ADGRG5: variants seen among roughly 807,000 people sequenced by gnomAD.
ADGRG5 encodes the protein adhesion G protein-coupled receptor G5, also known as G protein-coupled receptor 114.
In ADGRG5, 37 loss-of-function variants were observed where a neutral mutation model predicts 53.2. The ratio of observed to expected loss-of-function variants is 0.70; its 90% confidence interval spans 0.53 to 0.91. The LOEUF (loss-of-function observed/expected upper bound fraction) is 0.91, where lower values mean the gene tolerates loss of function less well. Ranked by LOEUF, ADGRG5 falls within the 40% of genes least tolerant of loss-of-function variation. ADGRG5 has a pLI of 0.00. For synonymous variants in ADGRG5, 277 were observed against 290.4 expected (o/e 0.95, Z 0.47); for missense variants, 614 against 675.8 (o/e 0.91, Z 1.01).
chr16:57,572,923 CAGTT>C (rs2033401570), intron 10 of ADGRG5, among the ~76,000 whole-genome samples: 1 of 152,184 alleles, frequency 6.6e-6, no homozygotes, highest in Non-Finnish European at 1.5e-5. Flanking sequence ...GGGATTGTGA[CAGTT>C]AGGGGCTCAG....
In ADGRG5 at chr16:57,543,880, T is replaced by C. The variant is rs181519271; in HGVS notation, c.-39+1179T>C. ...AGGAGAGGATCAGGGAAATTGTTGTTTGAATTTCTCTTTCTGGGAAATAGA... is the reference window on the plus strand; with the variant it reads ...AGGAGAGGATCAGGGAAATTGTTGTCTGAATTTCTCTTTCTGGGAAATAGA... On this transcript the variant is annotated intron_variant, in intron 1 of 11. Coordinates refer to ENST00000349457, the MANE Select transcript of ADGRG5 (RefSeq NM_001304376.3). Among the ~76,000 whole-genome samples the C allele has an allele frequency of 9.2e-5, 14 of 152,286 alleles. No homozygotes were observed. In the East Asian group the frequency reaches 2.7e-3, roughly 29 times the overall value.
At position 57,563,236 on chromosome 16, in the gene ADGRG5, C is replaced by G. The variant is rs150723116; in HGVS notation, c.286C>G (p.Arg96Gly). 496 of 1,613,822 alleles carry G rather than the reference C, an allele frequency of 3.1e-4. 3 individuals carry two copies. The African/African-American group carries it at 5.6e-3, about 18-fold the overall frequency. Residue 96 changes from arginine to glycine, a missense_variant, in exon 4 of 12, where the codon CGG (arginine) becomes GGG (glycine). By Grantham distance (125) the Arg-to-Gly change is moderately radical. Coordinates refer to ENST00000349457, the MANE Select transcript of ADGRG5 (RefSeq NM_001304376.3). The stretch of plus-strand genomic sequence containing the variant: ...CTCGCTGACCAGTGCCACTCTGAAG[C>G]GGGTGCCCCAGGTCAGAGGCTGCGG... ...GLSLTSATLK[R>G]VPQAGGQHAR...
At chr16:57,540,512 CT>C (rs879759406), upstream of ADGRG5, among the ~76,000 whole-genome samples, 1 of 152,072 alleles carries the variant, frequency 6.6e-6, no homozygotes, top group Admixed American at 6.5e-5. Flanking sequence ...AGGCTTCCTA[CT>C]GCTCAAGCAT....
At position 57,575,051 on chromosome 16, in the gene ADGRG5, T is replaced by A. The variant is rs2033476176; in HGVS notation, c.1445T>A (p.Leu482Gln). 1.2e-6 allele frequency: 2 copies of A among 1,613,954 alleles called. No individual in the cohort carries two copies. Among genetic ancestry groups the A allele is most frequent in the Non-Finnish European group, 1.7e-6 (2 of 1,179,984 alleles). ...TTCTTTTCTTTTGGCGTCTTCCTGC[T>A]GCCCCAGCTGTTCCTCTTCACCATC... ...LAFFSFGVFLLPQLFLFTILN... is the reference protein window; with the variant it reads ...LAFFSFGVFLQPQLFLFTILN... Residue 482 changes from leucine (L) to glutamine (Q), a missense_variant, in exon 11 of 12, where the codon CTG becomes CAG. By Grantham distance (113) the Leu-to-Gln change is moderately radical. Transcript: ENST00000349457.
chr16:57,546,451 G>T (rs1304728517), intron 1 of ADGRG5, among the ~76,000 whole-genome samples: 1 of 152,182 alleles, frequency 6.6e-6, no homozygotes, highest in South Asian at 2.1e-4. Flanking sequence ...TATTGGGTTA[G>T]ACTTTTCCTT....
chr16:57,553,167 C>A (rs2032793023), intron 1 of ADGRG5, among the ~76,000 whole-genome samples: 1 of 152,134 alleles, frequency 6.6e-6, no homozygotes, highest in Admixed American at 6.5e-5. Context: ...CAGGACCCAG[C>A]CATTAAGTGA....
the ADGRG5 span, among the ~76,000 whole-genome samples, chr16:57,534,622 A>T: frequency 6.6e-6 from 1 of 152,200 alleles, no homozygotes; most frequent in Non-Finnish European, 1.5e-5. Context: ...GAGCGAGGGC[A>T]TCAGCACAGG....
At chr16:57,531,278 C>G in the ADGRG5 span, among the ~76,000 whole-genome samples, 1 of 149,502 alleles carries the variant, frequency 6.7e-6, no homozygotes, top group African/African-American at 2.4e-5. Context: ...GAAGGCACTT[C>G]CTCACTCCTT....
At chr16:57,532,712 C>T in the ADGRG5 span, among the ~76,000 whole-genome samples, 1 of 151,278 alleles carries the variant, frequency 6.6e-6, no homozygotes, top group African/African-American at 2.4e-5. Flanking sequence ...CACACACACA[C>T]ACACACACAC....
At chr16:57,562,952 CT>C (rs2033038358) in intron 3 of ADGRG5, 138 bp from the exon 4 acceptor site, 2 of 739,380 alleles carry the variant, frequency 2.7e-6, no homozygotes, top group South Asian at 3.2e-5. Context: ...GCCAAGGACA[CT>C]GTGTGTGCAG....
In ADGRG5 at chr16:57,565,337, T is replaced by C. The variant is rs1258431506; in HGVS notation, c.546+187T>C. 4 of 608,778 alleles carry C rather than the reference T, an allele frequency of 6.6e-6. No individual in the cohort carries two copies. In the African/African-American group the frequency reaches 7.4e-5, roughly 11 times the overall value. The allele number at this position is 608,778 out of a possible 1,614,324, so 37.7% of individuals were successfully genotyped here. ...CATGCATTTGTCAGAATTCTTTCAGTTGCAAGTAAGAAAAGACCACTTCAA... is the reference window on the plus strand; with the variant it reads ...CATGCATTTGTCAGAATTCTTTCAGCTGCAAGTAAGAAAAGACCACTTCAA... On this transcript the variant is annotated intron_variant, in intron 6 of 11. Coordinates refer to ENST00000349457, the MANE Select transcript of ADGRG5 (RefSeq NM_001304376.3).
Position 57,565,071 on chromosome 16 carries a change from T to TG in ADGRG5, c.472dup (p.Ala158GlyfsTer50). ...TCATCTCTGCTGAATAACTACGTCC[T>TG]GGGGGCCCAGCTGAGTCATGGGCAC... is the stretch of plus-strand genomic sequence containing the variant. On this transcript the variant is annotated frameshift_variant, in exon 6 of 12. Transcript: ENST00000349457. LOFTEE classifies it high-confidence loss of function. 6.2e-7 allele frequency: 1 copy of TG among 1,613,892 alleles called. No homozygotes were observed. Among genetic ancestry groups the TG allele is most frequent in the Non-Finnish European group, 8.5e-7 (1 of 1,179,816 alleles).
At chr16:57,556,497 G>T (rs2032885789) in intron 1 of ADGRG5, among the ~76,000 whole-genome samples, 1 of 151,982 alleles carries the variant, frequency 6.6e-6, no homozygotes, top group Non-Finnish European at 1.5e-5. Flanking sequence ...TGATGGCATT[G>T]TAGGATTTAA....
upstream of ADGRG5, among the ~76,000 whole-genome samples, chr16:57,540,543 A>T (rs148585146): frequency 1.5e-3 from 227 of 152,084 alleles, 1 homozygote; most frequent in African/African-American, 4.9e-3. Flanking sequence ...TTTGTAGAGG[A>T]GCAGGAGGCA....
rs1233570516 is a variant in ADGRG5, at chr16:57,567,489, T to G, written c.719T>G (p.Val240Gly). ...CTGCAGCAACTCTCCCCAGCCCTGG[T>G]CCCTGCAGAGTTGCTGGCACCTCTT... is the stretch of plus-strand genomic sequence containing the variant. ...AVLMQLSPALVPAELLAPLTY... is the reference protein window; with the variant it reads ...AVLMQLSPALGPAELLAPLTY... The change falls in exon 8 of 12, where the codon GTC (valine) becomes GGC (glycine). Residue 240 changes from valine to glycine, a missense_variant. Coordinates refer to ENST00000349457, the MANE Select transcript of ADGRG5 (RefSeq NM_001304376.3). 1 of 1,609,848 alleles carries G rather than the reference T, an allele frequency of 6.2e-7. No individual in the cohort carries two copies. The highest frequency in any genetic ancestry group is 1.3e-5 in the African/African-American group (1 of 74,894).
At chr16:57,541,681 C>G (rs1275625446), upstream of ADGRG5, among the ~76,000 whole-genome samples, 1 of 152,206 alleles carries the variant, frequency 6.6e-6, no homozygotes, top group Non-Finnish European at 1.5e-5. Context: ...CATCTTTCCC[C>G]CAGGGCTGGA....
intron 5 of ADGRG5, among the ~76,000 whole-genome samples, chr16:57,564,231 C>T (rs1019410959): frequency 1.3e-5 from 2 of 152,092 alleles, no homozygotes; most frequent in African/African-American, 2.4e-5. Flanking sequence ...TGTCGGTAGG[C>T]GGGAGACAGA....
chr16:57,567,684 C>A, intron 8 of ADGRG5, 93 bp downstream of exon 8: 2 of 1,506,056 alleles, frequency 1.3e-6, no homozygotes, highest in Non-Finnish European at 9.0e-7. Flanking sequence ...GGGTGTGCTT[C>A]TCCAGAGGGT....
intron 1 of ADGRG5, among the ~76,000 whole-genome samples, chr16:57,554,532 A>T (rs775512724): frequency 3.9e-5 from 6 of 152,040 alleles, no homozygotes; most frequent in Non-Finnish European, 5.9e-5. Context: ...ACCTGCCACC[A>T]TGCCCGGCTA....
Sources: gnomAD v4.1 joint callset for allele counts (sites outside exome capture counted in the v4.1 genomes callset) on GRCh38, gnomAD v4.1.1 for gene constraint, MANE v1.5 for transcripts, NCBI Gene and HGNC (gene_info 2026-07-23, HGNC 2026-07-21) for gene names.